Variants in EFL1 observed in about 807,000 individuals in gnomAD.
EFL1 encodes the protein elongation factor like GTPase 1.
EFL1 carries 76 observed loss-of-function variants against 126.7 expected under a neutral mutation model. The ratio of observed to expected loss-of-function variants is 0.60; its 90% CI spans 0.50 to 0.73. The LOEUF is 0.73. Among genes scored for constraint, EFL1 ranks in the 30% least tolerant of loss-of-function variants. The pLI, the probability that EFL1 is intolerant of heterozygous loss-of-function variation, is 0.00. For missense variants in EFL1, 1,128 were observed against 1,343.2 expected, an observed-to-expected ratio of 0.84 and a Z score of 2.50; for synonymous variants, 410 against 448.4, an observed-to-expected ratio of 0.91 and a Z score of 1.08.
chr15:82,223,142 TAC>T (rs1278158046), intron 12 of EFL1, among the ~76,000 whole-genome samples: 1 of 152,110 alleles, frequency 6.6e-6, no homozygotes, highest in Admixed American at 6.5e-5. Flanking sequence ...TTGTACTCTA[TAC>T]TAAAGGAAAA....
chr15:82,218,309 GT>G (rs930180670), intron 14 of EFL1, among the ~76,000 whole-genome samples: 12 of 151,472 alleles, frequency 7.9e-5, no homozygotes, highest in South Asian at 2.1e-4. Flanking sequence ...AATATTTCAG[GT>G]TTTTTTTTAA....
At chr15:82,205,691 CATTGTTAAATGTCAT>C (rs2074517323) in intron 15 of EFL1, among the ~76,000 whole-genome samples, 1 of 152,190 alleles carries the variant, frequency 6.6e-6, no homozygotes, top group African/African-American at 2.4e-5. Context: ...CTGGCCTCTA[CATTGTTAAATGTCAT>C]TTAAGAGTAA....
chr15:82,210,134 G>A (rs981501162), intron 15 of EFL1, among the ~76,000 whole-genome samples: 10 of 152,170 alleles, frequency 6.6e-5, no homozygotes, highest in African/African-American at 1.9e-4. Flanking sequence ...CTCTTTATAT[G>A]TGTCCTGTCA....
chr15:82,247,542 T>C (rs1352961728), intron 4 of EFL1, among the ~76,000 whole-genome samples: 1 of 151,930 alleles, frequency 6.6e-6, no homozygotes, highest in Admixed American at 6.5e-5. Context: ...ACTTTTGTAA[T>C]CAGATCTGGG....
At chr15:82,239,640 T>A (rs1219214130) in intron 6 of EFL1, among the ~76,000 whole-genome samples, 1 of 152,166 alleles carries the variant, frequency 6.6e-6, no homozygotes. Context: ...CTTTTTCCCA[T>A]CTCTTGTAAC....
At chr15:82,158,962 C>T (rs946173743) in intron 16 of EFL1, among the ~76,000 whole-genome samples, 2 of 152,126 alleles carry the variant, frequency 1.3e-5, no homozygotes, top group East Asian at 3.8e-4. Context: ...AGTGGCAGAA[C>T]CTGGTTTAGA....
At chr15:82,221,754 G>GC (rs1204698179) in intron 12 of EFL1, among the ~76,000 whole-genome samples, 1 of 152,190 alleles carries the variant, frequency 6.6e-6, no homozygotes, top group African/African-American at 2.4e-5. Context: ...CACTACCACT[G>GC]CAAGAGACAA....
At chr15:82,173,190 CAT>C (rs2074155290) in intron 15 of EFL1, among the ~76,000 whole-genome samples, 1 of 151,852 alleles carries the variant, frequency 6.6e-6, no homozygotes, top group African/African-American at 2.4e-5. Context: ...ATGGAATCAA[CAT>C]AGAAAAAAAA....
chr15:82,219,869 G>A, intron 13 of EFL1, 51 bp from the exon 14 acceptor site: 1 of 1,562,252 alleles, frequency 6.4e-7, no homozygotes, highest in South Asian at 1.2e-5. Context: ...CTTAATTCAA[G>A]AACTGTCTGA....
chr15:82,153,290 G>A (rs1209244850), intron 17 of EFL1, among the ~76,000 whole-genome samples: 1 of 151,932 alleles, frequency 6.6e-6, no homozygotes, highest in African/African-American at 2.4e-5. Flanking sequence ...ATATTCACAG[G>A]ATATACAACA....
chr15:82,161,007 C>A (rs2141239283), intron 16 of EFL1, among the ~76,000 whole-genome samples: 1 of 152,276 alleles, frequency 6.6e-6, no homozygotes, highest in Middle Eastern at 3.4e-3. Flanking sequence ...TTGTAGTTCT[C>A]TGTGTTGAGT....
At chr15:82,176,886 G>A (rs1257936649) in intron 15 of EFL1, among the ~76,000 whole-genome samples, 1 of 152,190 alleles carries the variant, frequency 6.6e-6, no homozygotes, top group East Asian at 1.9e-4. Context: ...TCCACCAACA[G>A]AAGAGTGGAT....
intron 16 of EFL1, 147 bp downstream of exon 16, chr15:82,163,706 G>T: frequency 1.1e-6 from 1 of 901,866 alleles, no homozygotes; most frequent in Non-Finnish European, 1.6e-6. Context: ...GAAGTTAGAT[G>T]CCCTTTGAAG....
chr15:82,185,076 A>C (rs1360888406), intron 15 of EFL1, among the ~76,000 whole-genome samples: 7 of 152,140 alleles, frequency 4.6e-5, no homozygotes, highest in Admixed American at 4.6e-4. Flanking sequence ...GTTAGAGACA[A>C]AGTTAAGTTT....
intron 19 of EFL1, among the ~76,000 whole-genome samples, chr15:82,136,632 T>C (rs1202335172): frequency 6.6e-6 from 1 of 152,210 alleles, no homozygotes. Flanking sequence ...ACAGACATAG[T>C]TCTATTTTTC....
intron 4 of EFL1, among the ~76,000 whole-genome samples, chr15:82,250,995 T>C (rs954843534): frequency 1.3e-5 from 2 of 152,052 alleles, no homozygotes; most frequent in African/African-American, 4.8e-5. Flanking sequence ...GCGGATCACC[T>C]GCGGTCAGGA....
chr15:82,144,088 C>T (rs111595430), intron 18 of EFL1, among the ~76,000 whole-genome samples: 2,706 of 152,172 alleles, frequency 0.018, 31 homozygotes, highest in Middle Eastern at 0.027. Context: ...CATGGTGAGA[C>T]TCCGTCTCCA....
intron 15 of EFL1, among the ~76,000 whole-genome samples, chr15:82,206,324 G>A (rs1457302438): frequency 6.6e-6 from 1 of 151,934 alleles, no homozygotes; most frequent in Admixed American, 6.6e-5. Context: ...ATAAAGAATG[G>A]GTTATTTAAG....
intron 19 of EFL1, among the ~76,000 whole-genome samples, chr15:82,131,913 T>TA (rs1023043214): frequency 1.1e-3 from 169 of 150,902 alleles, no homozygotes; most frequent in African/African-American, 4.0e-3. Flanking sequence ...AGATGGAGAT[T>TA]AAAAAAAAAG....
Sources: gnomAD v4.1 joint callset for allele counts (sites outside exome capture counted in the v4.1 genomes callset) on GRCh38, gnomAD v4.1.1 for gene constraint, MANE v1.5 for transcripts, NCBI Gene and HGNC (gene_info 2026-07-23, HGNC 2026-07-21) for gene names.